CTNNA1: variants seen among roughly 807,000 people sequenced by gnomAD.
CTNNA1 encodes the protein catenin alpha-1.
Under a neutral mutation model 98.4 loss-of-function variants are expected in CTNNA1, and 37 were observed. That is an observed-to-expected ratio of 0.38 (90% CI 0.29 to 0.49). The LOEUF is 0.49. CTNNA1 is among the 20% of genes least tolerant of loss of function. The pLI, the probability that CTNNA1 is intolerant of heterozygous loss-of-function variation, is 0.95. For missense variants in CTNNA1, 761 were observed against 1,147.2 expected, an observed-to-expected ratio of 0.66 and a Z score of 4.86; for synonymous variants, 404 against 413.2, an observed-to-expected ratio of 0.98 and a Z score of 0.27.
Position 138,887,628 on chromosome 5 carries a change from A to G in CTNNA1, c.1282A>G (p.Asn428Asp), listed in dbSNP as rs780285551. The G allele has an allele frequency of 1.2e-6, 2 of 1,609,912 alleles. No individual in the cohort carries two copies. Among genetic ancestry groups the G allele is most frequent in the East Asian group, 4.5e-5 (2 of 44,756 alleles). The change falls in exon 9 of 18, where the codon AAC becomes GAC. Residue 428 changes from asparagine to aspartate, a missense_variant. By Grantham distance (23) the Asn-to-Asp change is conservative. Around this residue, in one of 6 missense-constraint regions of CTNNA1, gnomAD observed 287 missense variants for 436.0 expected, o/e 0.66. Transcript: ENST00000302763. Reference sequence around the variant, plus strand: ...TGCCCAAGTTTTCCGTGAACATGCCAACAAATTGATTGAGGTAAGTGAATT... The same window carrying G: ...TGCCCAAGTTTTCCGTGAACATGCCGACAAATTGATTGAGGTAAGTGAATT... ...EYAQVFREHA[N>D]KLIEVANLAC...
At chr5:138,827,391 T>G (rs1488615151) in intron 6 of CTNNA1, 124 bp from the exon 7 acceptor site, 2 of 1,082,394 alleles carry the variant, frequency 1.8e-6, no homozygotes, top group Non-Finnish European at 2.7e-6. Flanking sequence ...CTAAGAAGTA[T>G]AACTTTCTTT....
chr5:138,886,529 A>C (rs1754061511), intron 8 of CTNNA1, among the ~76,000 whole-genome samples: 1 of 152,188 alleles, frequency 6.6e-6, no homozygotes, highest in South Asian at 2.1e-4. Flanking sequence ...CTCTAGTGTG[A>C]AAGGCATGTA....
At chr5:138,894,686 T>A (rs1205574616) in intron 9 of CTNNA1, among the ~76,000 whole-genome samples, 1 of 150,158 alleles carries the variant, frequency 6.7e-6, no homozygotes, top group Non-Finnish European at 1.5e-5. Flanking sequence ...TATGATTTTC[T>A]AGCACTAACC....
intron 10 of CTNNA1, among the ~76,000 whole-genome samples, chr5:138,906,798 A>C (rs2150155879): frequency 6.6e-6 from 1 of 152,296 alleles, no homozygotes; most frequent in South Asian, 2.1e-4. Context: ...TTCAAGTGTG[A>C]TTATTCTTCA....
chr5:138,766,428 G>A (rs895280339), intron 1 of CTNNA1, among the ~76,000 whole-genome samples: 1 of 149,808 alleles, frequency 6.7e-6, no homozygotes, highest in East Asian at 2.0e-4. Context: ...CCTGTATGTG[G>A]TGGGGAAGCA....
At chr5:138,807,254 G>A (rs1474874121) in intron 3 of CTNNA1, among the ~76,000 whole-genome samples, 4 of 151,642 alleles carry the variant, frequency 2.6e-5, no homozygotes, top group African/African-American at 4.9e-5. Flanking sequence ...GTGATCCACC[G>A]GTCTCAGCCT....
chr5:138,842,027 T>A (rs947398667), intron 7 of CTNNA1, among the ~76,000 whole-genome samples: 2 of 152,220 alleles, frequency 1.3e-5, no homozygotes, highest in Non-Finnish European at 2.9e-5. Flanking sequence ...TTGCCCTTGC[T>A]CTTGTGTCTG....
chr5:138,795,504 C>A (rs1450643995), intron 3 of CTNNA1, among the ~76,000 whole-genome samples: 1 of 151,778 alleles, frequency 6.6e-6, no homozygotes, highest in African/African-American at 2.4e-5. Context: ...TGGTGAGATC[C>A]CTTAATCAAA....
At chr5:138,772,298 G>A (rs1166887764) in intron 1 of CTNNA1, among the ~76,000 whole-genome samples, 1 of 152,142 alleles carries the variant, frequency 6.6e-6, no homozygotes, top group Non-Finnish European at 1.5e-5. Flanking sequence ...CAGTTTAACT[G>A]TTTATTTAGT....
At chr5:138,830,373 AGCAC>A (rs1022554350) in intron 7 of CTNNA1, among the ~76,000 whole-genome samples, 4 of 152,216 alleles carry the variant, frequency 2.6e-5, no homozygotes, top group African/African-American at 9.6e-5. Flanking sequence ...AAAACAAAAA[AGCAC>A]AAAAGAAAGA....
Position 138,934,110 on chromosome 5 carries a change from C to G in CTNNA1, c.*21C>G, listed in dbSNP as rs1368221393. On this transcript the variant is annotated 3_prime_UTR_variant, in exon 18 of 18. Coordinates refer to ENST00000302763, the MANE Select transcript of CTNNA1 (RefSeq NM_001903.5). Reference sequence around the variant, plus strand: ...TCTAAGTCTGCCCAGGCCGGCCGCCCCCACCCCTCGGGGCTCCTGAATATC... The same window carrying G: ...TCTAAGTCTGCCCAGGCCGGCCGCCGCCACCCCTCGGGGCTCCTGAATATC... 6 of 1,595,912 alleles carry G rather than the reference C, an allele frequency of 3.8e-6. No individual in the cohort carries two copies. Among genetic ancestry groups the G allele is most frequent in the Non-Finnish European group, 4.3e-6 (5 of 1,170,320 alleles).
chr5:138,902,357 T>G (rs1561694388), intron 9 of CTNNA1, among the ~76,000 whole-genome samples: 1 of 152,226 alleles, frequency 6.6e-6, no homozygotes, highest in African/African-American at 2.4e-5. Flanking sequence ...GGATCCAGCA[T>G]TCAAGTGGCC....
At chr5:138,772,068 G>C (rs1185576434) in intron 1 of CTNNA1, among the ~76,000 whole-genome samples, 2 of 152,186 alleles carry the variant, frequency 1.3e-5, no homozygotes, top group Non-Finnish European at 2.9e-5. Flanking sequence ...TTTGGAGAAG[G>C]TACGTAGTTC....
rs756417618 is a variant in CTNNA1, at chr5:138,783,330, A to G, written c.259A>G (p.Lys87Glu). The G allele has an allele frequency of 6.2e-7, 1 of 1,614,078 alleles. No homozygotes were observed. The highest frequency in any genetic ancestry group is 1.1e-5 in the South Asian group (1 of 91,074). Residue 87 changes from lysine to glutamate, a missense_variant, in exon 3 of 18, where the codon AAG (lysine) becomes GAG (glutamate). By Grantham distance (56) the Lys-to-Glu change is moderately conservative (BLOSUM62 1). Transcript: ENST00000302763. ...AATTGCGAAGGAGAGCCAGTTTCTC[A>G]AGGAGGAGCTTGTGGCTGCTGTAGA... ...DKIAKESQFL[K>E]EELVAAVEDV...
At position 138,892,037 on chromosome 5, in the gene CTNNA1, C is replaced by T. The variant is rs148672223; in HGVS notation, c.1296+4395C>T. ...TCTACCTATGACCTGGAAGCCCCTT[C>T]CCTCCTTCGAGTTGTCCAGCCTTTT... On this transcript the variant is annotated intron_variant, in intron 9 of 17. Coordinates refer to ENST00000302763, the MANE Select transcript of CTNNA1 (RefSeq NM_001903.5). Among the ~76,000 whole-genome samples the T allele has an allele frequency of 4.7e-3, 721 of 152,298 alleles. 2 individuals carry two copies. Among genetic ancestry groups the T allele is most frequent in the African/African-American group, 0.015 (608 of 41,564 alleles).
intron 1 of CTNNA1, among the ~76,000 whole-genome samples, chr5:138,773,291 A>G (rs1436770261): frequency 6.6e-6 from 1 of 152,248 alleles, no homozygotes. Flanking sequence ...CAGGGTAATA[A>G]GTAATGGAAT....
chr5:138,879,706 C>T (rs1299563739), intron 7 of CTNNA1, among the ~76,000 whole-genome samples: 1 of 152,174 alleles, frequency 6.6e-6, no homozygotes, highest in African/African-American at 2.4e-5. Context: ...GATCCTCTCA[C>T]CTTGGCCTCC....
At chr5:138,923,634 C>T (rs185755825) in intron 11 of CTNNA1, among the ~76,000 whole-genome samples, 61 of 152,316 alleles carry the variant, frequency 4.0e-4, no homozygotes, top group Admixed American at 2.3e-3. Flanking sequence ...AAGCCATCCT[C>T]CCGCCTCAGC....
chr5:138,753,432 T>C lies in CTNNA1; in HGVS notation c.-81T>C, dbSNP rs1751212904. ...CGTGGGGCGGCCCATTTCCTCCTCC[T>C]AGCCGGACTGGAGGGAGACAAAGCA... On this transcript the variant is annotated 5_prime_UTR_variant, in exon 1 of 18. Coordinates refer to ENST00000302763, the MANE Select transcript of CTNNA1 (RefSeq NM_001903.5). 2.7e-6 allele frequency: 1 copy of C among 369,676 alleles called. No individual in the cohort carries two copies. Among genetic ancestry groups the C allele is most frequent in the Non-Finnish European group, 4.8e-6 (1 of 207,818 alleles). 22.9% of individuals were successfully genotyped at this position (369,676 alleles called of 1,614,324 possible).
Sources: gnomAD v4.1 joint callset for allele counts (sites outside exome capture counted in the v4.1 genomes callset) on GRCh38, gnomAD v4.1.1 for gene constraint, gnomAD v4.1.1 regional missense constraint, MANE v1.5 for transcripts, NCBI Gene and HGNC (gene_info 2026-07-23, HGNC 2026-07-21) for gene names.